VPS13D: variants seen among roughly 807,000 people sequenced by gnomAD.
VPS13D encodes the protein intermembrane lipid transfer protein VPS13D.
A neutral mutation model predicts 461.9 loss-of-function variants in VPS13D; 187 were observed. That is an observed-to-expected ratio of 0.40 (90% CI 0.36 to 0.46). The LOEUF is 0.46. VPS13D is among the 20% of genes least tolerant of loss of function. VPS13D has a pLI of 0.60. For synonymous variants in VPS13D, 1,951 were observed against 1,986.3 expected (o/e 0.98, Z 0.47); for missense variants, 4,711 against 5,364.9 (o/e 0.88, Z 3.81).
chr1:12,294,705 G>A (rs1401397578), intron 24 of VPS13D, among the ~76,000 whole-genome samples: 1 of 152,032 alleles, frequency 6.6e-6, no homozygotes. Flanking sequence ...CCAGCTATTC[G>A]GGAGGCTAAG....
chr1:12,242,603 A>G lies in VPS13D; in HGVS notation c.175+13A>G, dbSNP rs200737923. 53 of 1,611,066 alleles carry G rather than the reference A, an allele frequency of 3.3e-5. No individual in the cohort carries two copies. The East Asian group carries it at 1.1e-3, about 33-fold the overall frequency. ...GAAGTCAAAGCTGGTATGTGGAACT[A>G]AAGGAGGGGGAAGAAATTTGAGTCT... On this transcript the variant is annotated intron_variant, in intron 3 of 69. Coordinates refer to ENST00000620676, the MANE Select transcript of VPS13D (RefSeq NM_015378.4).
At chr1:12,333,484 A>G in intron 38 of VPS13D, 118 bp downstream of exon 38, 3 of 1,261,154 alleles carry the variant, frequency 2.4e-6, no homozygotes, top group South Asian at 3.0e-5. Flanking sequence ...TCACTTCTTC[A>G]TCCTGACTGC....
chr1:12,319,381 A>G, intron 31 of VPS13D, 116 bp from the exon 32 acceptor site: 1 of 1,440,636 alleles, frequency 6.9e-7, no homozygotes, highest in Non-Finnish European at 9.5e-7. Context: ...TTTGGAGAAA[A>G]ATCTTACTGG....
intron 67 of VPS13D, among the ~76,000 whole-genome samples, chr1:12,493,681 G>A (rs1204936995): frequency 1.3e-5 from 2 of 152,132 alleles, no homozygotes; most frequent in Admixed American, 6.5e-5. Flanking sequence ...AGAAAACAGC[G>A]TCGTCACACA....
chr1:12,393,639 T>C (rs1644457894), intron 60 of VPS13D, among the ~76,000 whole-genome samples: 2 of 152,206 alleles, frequency 1.3e-5, no homozygotes. Context: ...CCCCTGCATC[T>C]TTCAAGTGGC....
At chr1:12,387,477 A>G (rs1455151280) in intron 60 of VPS13D, among the ~76,000 whole-genome samples, 11 of 152,234 alleles carry the variant, frequency 7.2e-5, no homozygotes, top group South Asian at 2.1e-4. Flanking sequence ...CTGATTCACA[A>G]CTGGCACAGA....
Position 12,386,301 on chromosome 1 carries a change from T to C in VPS13D, c.11601T>C (p.Ser3867=). 3 of 1,612,110 alleles carry C rather than the reference T, an allele frequency of 1.9e-6. No homozygotes were observed. The highest frequency in any genetic ancestry group is 2.5e-6 in the Non-Finnish European group (3 of 1,179,192). The change falls in exon 60 of 70, where the codon AGT becomes AGC. Residue 3867 remains serine (S), a synonymous_variant. Coordinates refer to ENST00000620676, the MANE Select transcript of VPS13D (RefSeq NM_015378.4). ...TGCACTATACACAGCTGGCAACCAG[T>C]CACATGCTTGAACTCAGCATACAGG... ...INVHYTQLAT[S]HMLELSIQDV... is the part of the protein sequence containing the mutation.
chr1:12,499,143 CCCCCCATCCAAAT>C (rs1646001246), intron 68 of VPS13D, among the ~76,000 whole-genome samples: 1 of 151,698 alleles, frequency 6.6e-6, no homozygotes, highest in South Asian at 2.1e-4. Context: ...GGTCTAGAGA[CCCCCCATCCAAAT>C]TTCTCAGGTC....
chr1:12,386,919 A>G lies in VPS13D; in HGVS notation c.11634+585A>G, dbSNP rs982587095. ...AGTACCCAGCACAGTGGAGAAGTTG[A>G]GAAAACAGAGCTGAGAGTCTAGAGA... On this transcript the variant is annotated intron_variant, in intron 60 of 69. Coordinates refer to ENST00000620676, the MANE Select transcript of VPS13D (RefSeq NM_015378.4). Among the ~76,000 whole-genome samples the G allele has an allele frequency of 4.6e-5, 7 of 152,212 alleles. No homozygotes were observed. In the East Asian group the frequency reaches 1.2e-3, roughly 25 times the overall value.
At position 12,266,997 on chromosome 1, in the gene VPS13D, G is replaced by A. The variant is rs1180343169; in HGVS notation, c.1711G>A (p.Val571Ile). ...ATEGTMFPLL[V>I]FPNPQKEVGR... ...AGAAGGAACTATGTTTCCTCTTCTA[G>A]TCTTCCCTAATCCAGTATGTACAAC... Residue 571 changes from valine to isoleucine, a missense_variant, in exon 14 of 70, where the codon GTC becomes ATC. Val to Ile is a conservative substitution (Grantham distance 29, BLOSUM62 3). Around this residue, in one of 3 missense-constraint regions of VPS13D, gnomAD observed 4,411 missense variants for 4,937.8 expected, o/e 0.89. Transcript: ENST00000620676. 8 of 1,604,466 alleles carry A rather than the reference G, an allele frequency of 5.0e-6. No individual in the cohort carries two copies. Among genetic ancestry groups the A allele is most frequent in the Admixed American group, 3.5e-5 (2 of 57,158 alleles).
chr1:12,394,167 T>A (rs1476291568), intron 60 of VPS13D, among the ~76,000 whole-genome samples: 1 of 152,184 alleles, frequency 6.6e-6, no homozygotes, highest in East Asian at 1.9e-4. Context: ...CTCCCCTTCA[T>A]TCAAGGGGTT....
chr1:12,380,775 T>G (rs1389353648), intron 57 of VPS13D, among the ~76,000 whole-genome samples: 1 of 152,236 alleles, frequency 6.6e-6, no homozygotes, highest in Non-Finnish European at 1.5e-5. Context: ...TTGCAAAAAC[T>G]GTAAGGAGCC....
At chr1:12,471,515 CT>C (rs1645562815) in intron 67 of VPS13D, among the ~76,000 whole-genome samples, 1 of 152,182 alleles carries the variant, frequency 6.6e-6, no homozygotes, top group African/African-American at 2.4e-5. Context: ...ACTTTCAACA[CT>C]TTGGGCTGTT....
chr1:12,428,962 G>A (rs920042958), intron 65 of VPS13D, among the ~76,000 whole-genome samples: 4 of 152,222 alleles, frequency 2.6e-5, no homozygotes, highest in Admixed American at 6.5e-5. Flanking sequence ...CATGAGAGAA[G>A]TGCTGTGGGG....
At chr1:12,274,734 G>A (rs1043595913) in intron 18 of VPS13D, among the ~76,000 whole-genome samples, 2 of 152,162 alleles carry the variant, frequency 1.3e-5, no homozygotes, top group East Asian at 1.9e-4. Context: ...GCACTACCTC[G>A]GCACTAGGAA....
chr1:12,244,521 ACT>A lies in VPS13D; in HGVS notation c.367-13_367-12del. On this transcript the variant is annotated splice_polypyrimidine_tract_variant and intron_variant, in intron 4 of 69. Transcript: ENST00000620676. ...AGAACACTAGATTGAGCTAATGCTG[ACT>A]CTTGTCTTTGTAGAATGACCGCCAG... 2 of 1,613,920 alleles carry A rather than the reference ACT, an allele frequency of 1.2e-6. No homozygotes were observed. Among genetic ancestry groups the A allele is most frequent in the African/African-American group, 1.3e-5 (1 of 74,966 alleles).
intron 6 of VPS13D, among the ~76,000 whole-genome samples, chr1:12,251,578 G>A (rs1259517469): frequency 2.0e-5 from 3 of 152,158 alleles, no homozygotes; most frequent in East Asian, 1.9e-4. Flanking sequence ...GGCTGGAAGC[G>A]GCCAGCTGAG....
chr1:12,302,447 A>C (rs1248773413), intron 25 of VPS13D, among the ~76,000 whole-genome samples: 1 of 152,246 alleles, frequency 6.6e-6, no homozygotes, highest in Non-Finnish European at 1.5e-5. Context: ...TAGCCTCGGC[A>C]GAAGAATTGC....
intron 63 of VPS13D, 21 bp downstream of exon 63, chr1:12,403,994 A>AT (rs1169720001): frequency 1.3e-6 from 2 of 1,563,120 alleles, no homozygotes; most frequent in Non-Finnish European, 1.7e-6. Context: ...ATTTGGGTAA[A>AT]TTTTTTTAGA....
Sources: gnomAD v4.1 joint callset for allele counts (sites outside exome capture counted in the v4.1 genomes callset) on GRCh38, gnomAD v4.1.1 for gene constraint, gnomAD v4.1.1 regional missense constraint, MANE v1.5 for transcripts, NCBI Gene and HGNC (gene_info 2026-07-23, HGNC 2026-07-21) for gene names.